Variants in NFIB observed in about 807,000 individuals in gnomAD.
The protein encoded by NFIB is nuclear factor I B.
A neutral mutation model predicts 61.5 loss-of-function variants in NFIB; 11 were observed. The ratio of observed to expected loss-of-function variants is 0.18; its 90% confidence interval spans 0.11 to 0.30. The LOEUF is 0.30. Ranked by LOEUF, NFIB falls within the 10% of genes least tolerant of loss-of-function variation. The pLI is 1.00. For missense variants in NFIB, 471 were observed against 608.9 expected (o/e 0.77, Z 2.38); for synonymous variants, 260 against 216.5 (o/e 1.20, Z -1.76).
chr9:14,255,087 G>A (rs2056085648), intron 2 of NFIB, among the ~76,000 whole-genome samples: 1 of 152,092 alleles, frequency 6.6e-6, no homozygotes, highest in South Asian at 2.1e-4. Context: ...GCCAGGTGTG[G>A]TGGCGCATAC....
chr9:14,093,020 C>G (rs1369756317), intron 10 of NFIB, among the ~76,000 whole-genome samples: 1 of 151,960 alleles, frequency 6.6e-6, no homozygotes, highest in Admixed American at 6.6e-5. Flanking sequence ...AGTGTGTCTT[C>G]TAGGCCAAAA....
chr9:14,412,488 G>A, the NFIB span, among the ~76,000 whole-genome samples: 2 of 152,192 alleles, frequency 1.3e-5, no homozygotes, highest in Non-Finnish European at 2.9e-5. Flanking sequence ...CTCTGAGTGT[G>A]AGAGATTCAA....
chr9:14,432,739 C>T, the NFIB span, among the ~76,000 whole-genome samples: 1 of 152,060 alleles, frequency 6.6e-6, no homozygotes, highest in South Asian at 2.1e-4. Flanking sequence ...GAAGAGGAGA[C>T]CTCAGAGTAG....
intron 6 of NFIB, among the ~76,000 whole-genome samples, chr9:14,136,515 C>T (rs545288586): frequency 6.6e-6 from 1 of 152,254 alleles, no homozygotes; most frequent in Admixed American, 6.5e-5. Flanking sequence ...AACAAGATTA[C>T]AGATGAGTTT....
intron 2 of NFIB, chr9:14,204,960 G>A: frequency 3.0e-6 from 1 of 329,410 alleles, no homozygotes; most frequent in Non-Finnish European, 5.8e-6. Context: ...CACTGGGGAG[G>A]CAATGTCCTG....
At chr9:14,414,312 G>C in the NFIB span, among the ~76,000 whole-genome samples, 1 of 151,542 alleles carries the variant, frequency 6.6e-6, no homozygotes, top group Non-Finnish European at 1.5e-5. Context: ...GCATGTGCCT[G>C]TAGTCCTAGC....
intron 2 of NFIB, 54 bp from the exon 3 acceptor site, chr9:14,179,834 C>T: frequency 6.3e-7 from 1 of 1,584,768 alleles, no homozygotes; most frequent in Non-Finnish European, 8.6e-7. Flanking sequence ...GAAAGAATTT[C>T]ACAATCCTCA....
chr9:14,469,887 A>T, the NFIB span, among the ~76,000 whole-genome samples: 1 of 152,300 alleles, frequency 6.6e-6, no homozygotes, highest in African/African-American at 2.4e-5. Context: ...GTGACTTTTT[A>T]ATCAAGGCTT....
chr9:14,443,122 G>A, the NFIB span, among the ~76,000 whole-genome samples: 21 of 148,008 alleles, frequency 1.4e-4, no homozygotes, highest in Middle Eastern at 3.6e-3. Flanking sequence ...GACTCACAGA[G>A]CTTTGGGAAA....
intron 1 of NFIB, among the ~76,000 whole-genome samples, chr9:14,344,017 A>G (rs1317836867): frequency 1.3e-5 from 2 of 151,922 alleles, no homozygotes; most frequent in Non-Finnish European, 2.9e-5. Flanking sequence ...CAGTTAGGAG[A>G]TGCTACAGAA....
Position 14,368,137 on chromosome 9 carries a change from A to C in NFIB, c.108+30387T>G, listed in dbSNP as rs553659818. Among the ~76,000 whole-genome samples the C allele has an allele frequency of 2.7e-5, 3 of 112,242 alleles. No homozygotes were observed. In the South Asian group the frequency reaches 1.1e-3, roughly 41 times the overall value. The allele number at this position is 112,242 out of a possible 152,430, so 73.6% of individuals were successfully genotyped here. A position where few individuals can be genotyped will look rare whatever the true frequency, so the allele number is the denominator to read the frequency against. On this transcript the variant is annotated intron_variant, in intron 1 of 8. Transcript: ENST00000380934. ...TTCTGCACATGTATCTTACGTGTAAAGTAAGTAAAGTAAGATTAAAAAAAA... is the reference window on the plus strand; with the variant it reads ...TTCTGCACATGTATCTTACGTGTAACGTAAGTAAAGTAAGATTAAAAAAAA...
rs192282146 is a variant in NFIB at position 14,240,525 on chromosome 9, A to G, written c.563-60745T>C. Among the ~76,000 whole-genome samples the G allele has an allele frequency of 2.3e-3, 352 of 152,340 alleles. 2 individuals carry two copies. The highest frequency in any genetic ancestry group is 3.6e-3 in the Non-Finnish European group (244 of 68,030). ...AAGAAGCAACACAAGACTGCTTCAA[A>G]CTTTATCCAAAAACTCAACAGCTTC... On this transcript the variant is annotated intron_variant, in intron 2 of 10. Coordinates refer to ENST00000380953, the MANE Select transcript of NFIB (RefSeq NM_001190737.2).
At chr9:14,109,494 C>T (rs1405468159) in intron 10 of NFIB, among the ~76,000 whole-genome samples, 3 of 147,668 alleles carry the variant, frequency 2.0e-5, no homozygotes, top group Non-Finnish European at 4.4e-5. Context: ...TTTGCCAAAG[C>T]AGGACCCATG....
chr9:14,405,629 A>T, the NFIB span, among the ~76,000 whole-genome samples: 2 of 152,192 alleles, frequency 1.3e-5, no homozygotes, highest in Admixed American at 6.5e-5. Flanking sequence ...AAATGGATGA[A>T]CTCAGGCAAG....
rs549311052 is a variant in NFIB at position 14,151,785 on chromosome 9, C to T, written c.686-1520G>A. Among the ~76,000 whole-genome samples, 257 of 152,160 alleles carry T rather than the reference C, an allele frequency of 1.7e-3. 2 individuals carry two copies. Among genetic ancestry groups the T allele is most frequent in the Middle Eastern group, 3.4e-3 (1 of 294 alleles). Reference sequence around the variant, plus strand: ...TTTCCATTTCTTTACCTGTCTTAATCAGCCCTTCAAAAGCTCACACGAAAT... The same window carrying T: ...TTTCCATTTCTTTACCTGTCTTAATTAGCCCTTCAAAAGCTCACACGAAAT... On this transcript the variant is annotated intron_variant, in intron 4 of 10. Coordinates refer to ENST00000380953, the MANE Select transcript of NFIB (RefSeq NM_001190737.2).
the NFIB span, among the ~76,000 whole-genome samples, chr9:14,435,749 CTG>C: frequency 4.5e-4 from 68 of 152,346 alleles, no homozygotes; most frequent in African/African-American, 1.6e-3. Context: ...CTAGCAGACA[CTG>C]TAAGCTCCGA....
At chr9:14,316,284 G>A (rs1291053401), upstream of NFIB, among the ~76,000 whole-genome samples, 2 of 152,232 alleles carry the variant, frequency 1.3e-5, no homozygotes, top group East Asian at 3.8e-4. Context: ...AATGAGGCGA[G>A]CTTGCCAAGT....
At chr9:14,157,260 A>C (rs1363902155) in intron 3 of NFIB, among the ~76,000 whole-genome samples, 1 of 152,194 alleles carries the variant, frequency 6.6e-6, no homozygotes, top group Non-Finnish European at 1.5e-5. Context: ...ATGATCCGCA[A>C]ATCTTTATTC....
intron 2 of NFIB, among the ~76,000 whole-genome samples, chr9:14,186,565 TA>T (rs896939548): frequency 6.6e-6 from 1 of 151,948 alleles, no homozygotes; most frequent in African/African-American, 2.4e-5. Flanking sequence ...AATAAAAAGG[TA>T]AAACAAAAAC....
Sources: allele counts gnomAD v4.1 joint callset (sites outside exome capture counted in the v4.1 genomes callset), GRCh38; gene constraint gnomAD v4.1.1; transcripts MANE v1.5; gene names NCBI Gene and HGNC (gene_info 2026-07-23, HGNC 2026-07-21).